Variants in SPOCK1 observed in about 807,000 individuals in gnomAD.
SPOCK1 encodes SPARC (osteonectin), cwcv and kazal like domains proteoglycan 1.
Under a neutral mutation model 55.3 loss-of-function variants are expected in SPOCK1, and 23 were observed. The observed-to-expected ratio is 0.42, with a 90% CI of 0.30 to 0.59. SPOCK1 has a LOEUF of 0.59. SPOCK1 is among the 20% of genes least tolerant of loss of function. The pLI, the probability that SPOCK1 is intolerant of heterozygous loss-of-function variation, is 0.22. For synonymous variants in SPOCK1, 226 were observed against 221.0 expected (o/e 1.02, Z -0.20); for missense variants, 499 against 552.5 (o/e 0.90, Z 0.97).
At chr5:137,284,021 C>T (rs1285587111) in intron 2 of SPOCK1, among the ~76,000 whole-genome samples, 1 of 152,222 alleles carries the variant, frequency 6.6e-6, no homozygotes, top group East Asian at 1.9e-4. Context: ...CTGCCAAGCA[C>T]CGCACTCTGT....
intron 2 of SPOCK1, among the ~76,000 whole-genome samples, chr5:137,404,448 C>T (rs1254515358): frequency 6.2e-5 from 9 of 144,036 alleles, no homozygotes; most frequent in Non-Finnish European, 9.0e-5. Context: ...CTTGCACTGT[C>T]GCCCAGGCTG....
chr5:137,372,229 T>G (rs1391495330), intron 2 of SPOCK1, among the ~76,000 whole-genome samples: 1 of 152,144 alleles, frequency 6.6e-6, no homozygotes, highest in Non-Finnish European at 1.5e-5. Context: ...AGGAAGAAAC[T>G]TCATCAGTTC....
chr5:137,025,782 G>T (rs971372500), intron 6 of SPOCK1, among the ~76,000 whole-genome samples: 1 of 152,182 alleles, frequency 6.6e-6, no homozygotes, highest in Non-Finnish European at 1.5e-5. Context: ...TTTTACAGAT[G>T]AGATAGGTGA....
chr5:137,331,793 T>C (rs1580870531), intron 2 of SPOCK1, among the ~76,000 whole-genome samples: 1 of 151,870 alleles, frequency 6.6e-6, no homozygotes, highest in Non-Finnish European at 1.5e-5. Context: ...CCAGGCCCCA[T>C]CTCCAACCCT....
At chr5:137,123,902 G>A (rs1753731540) in intron 4 of SPOCK1, among the ~76,000 whole-genome samples, 2 of 152,108 alleles carry the variant, frequency 1.3e-5, no homozygotes, top group East Asian at 3.9e-4. Flanking sequence ...AGAATCAAGG[G>A]GGTCAAAATA....
At chr5:137,221,872 C>G (rs1186429527) in intron 3 of SPOCK1, among the ~76,000 whole-genome samples, 4 of 152,124 alleles carry the variant, frequency 2.6e-5, no homozygotes, top group Non-Finnish European at 5.9e-5. Context: ...TGTACACAAC[C>G]AGTTATTCCT....
chr5:137,111,062 C>T (rs906438328), intron 5 of SPOCK1, among the ~76,000 whole-genome samples: 1 of 152,076 alleles, frequency 6.6e-6, no homozygotes, highest in African/African-American at 2.4e-5. Flanking sequence ...ATGACCCGTG[C>T]ATCACAAAAT....
intron 3 of SPOCK1, among the ~76,000 whole-genome samples, chr5:137,182,375 C>T (rs1580794656): frequency 1.3e-5 from 2 of 152,208 alleles, no homozygotes; most frequent in East Asian, 3.8e-4. Flanking sequence ...CAAAACAAAA[C>T]TCAGACATTT....
chr5:137,064,297 T>C (rs1201050357), intron 6 of SPOCK1, among the ~76,000 whole-genome samples: 1 of 152,188 alleles, frequency 6.6e-6, no homozygotes, highest in Admixed American at 6.5e-5. Context: ...TGACTTTATG[T>C]TTCACCTCAG....
At chr5:137,362,809 G>A (rs765391707) in intron 2 of SPOCK1, among the ~76,000 whole-genome samples, 10 of 152,174 alleles carry the variant, frequency 6.6e-5, no homozygotes, top group Admixed American at 2.0e-4. Context: ...TTTGGCCTGA[G>A]GGCCACAGTT....
chr5:137,405,570 T>C lies in SPOCK1; in HGVS notation c.186+92803A>G, dbSNP rs375189607. On this transcript the variant is annotated intron_variant, in intron 2 of 10. Transcript: ENST00000394945. The stretch of plus-strand genomic sequence containing the variant: ...AGCCAAGAACGGGCAGACAGATCCC[T>C]ACTGGGCCATAGAGGGCTCTTCCTG... Among the ~76,000 whole-genome samples the C allele has an allele frequency of 1.4e-4, 21 of 152,264 alleles. No homozygotes were observed. The East Asian group carries it at 3.5e-3, about 25-fold the overall frequency.
intron 4 of SPOCK1, among the ~76,000 whole-genome samples, chr5:137,133,969 G>GT (rs1163321017): frequency 3.6e-5 from 5 of 139,510 alleles, no homozygotes; most frequent in Admixed American, 7.1e-5. Flanking sequence ...GGGGGGGGTA[G>GT]CGGGGGGTGG....
intron 5 of SPOCK1, among the ~76,000 whole-genome samples, chr5:137,073,267 T>C (rs942193821): frequency 2.0e-5 from 3 of 152,192 alleles, no homozygotes; most frequent in Non-Finnish European, 4.4e-5. Flanking sequence ...GTCAGGGAAT[T>C]AAGCAAGAGA....
rs200417525 is a variant in SPOCK1 at position 137,112,422 on chromosome 5, C to A, written c.474+13G>T. 1,091 of 1,608,388 alleles carry A rather than the reference C, an allele frequency of 6.8e-4. 2 individuals are homozygous for A. Among genetic ancestry groups the A allele is most frequent in the Middle Eastern group, 1.1e-3 (6 of 5,704 alleles). On this transcript the variant is annotated intron_variant, in intron 5 of 10. Transcript: ENST00000394945. ...AAGTATTTTTGATAACATAAAAAGA[C>A]AAGAAAACCAACCTTGGATGTGTAG...
intron 3 of SPOCK1, among the ~76,000 whole-genome samples, chr5:137,153,582 G>A (rs933017609): frequency 3.9e-5 from 6 of 152,240 alleles, no homozygotes; most frequent in South Asian, 2.1e-4. Context: ...GGCCAGGCAC[G>A]GTGGCTCATA....
At chr5:137,147,863 G>A (rs1390545152) in intron 3 of SPOCK1, among the ~76,000 whole-genome samples, 3 of 152,116 alleles carry the variant, frequency 2.0e-5, no homozygotes, top group African/African-American at 7.2e-5. Flanking sequence ...ATCTATATTT[G>A]GTAACATAGG....
At chr5:137,266,878 A>G (rs1437101431) in intron 3 of SPOCK1, 132 bp downstream of exon 3, 1 of 728,454 alleles carries the variant, frequency 1.4e-6, no homozygotes, top group Non-Finnish European at 2.3e-6. Flanking sequence ...ACCCCAGTCA[A>G]TTCAGTCCCC....
At chr5:137,151,634 T>C (rs1754320735) in intron 3 of SPOCK1, among the ~76,000 whole-genome samples, 1 of 152,182 alleles carries the variant, frequency 6.6e-6, no homozygotes, top group Admixed American at 6.5e-5. Context: ...GCAGTTCCCA[T>C]TAAATCTGAC....
At chr5:137,239,540 G>A (rs1268599730) in intron 3 of SPOCK1, among the ~76,000 whole-genome samples, 1 of 152,134 alleles carries the variant, frequency 6.6e-6, no homozygotes, top group Non-Finnish European at 1.5e-5. Flanking sequence ...CTGAAGTGGG[G>A]GGCAGTCTTG....
Sources: allele counts gnomAD v4.1 joint callset (sites outside exome capture counted in the v4.1 genomes callset), GRCh38; gene constraint gnomAD v4.1.1; transcripts MANE v1.5; gene names NCBI Gene and HGNC (gene_info 2026-07-23, HGNC 2026-07-21).